The following DYRK3 variants were observed in gnomAD, a reference collection of about 807,000 sequenced individuals.
The protein encoded by DYRK3 is dual specificity tyrosine-phosphorylation-regulated kinase 3.
In DYRK3, 30 loss-of-function variants were observed where a neutral mutation model predicts 40.8. The ratio of observed to expected loss-of-function variants is 0.74; its 90% CI spans 0.55 to 1.00. The LOEUF (loss-of-function observed/expected upper bound fraction) is 1.00. DYRK3 is among the 50% of genes least tolerant of loss of function. The pLI, the probability that DYRK3 is intolerant of heterozygous loss-of-function variation, is 0.00. For missense variants in DYRK3, 699 were observed against 731.5 expected (o/e 0.96, Z 0.51); for synonymous variants, 272 against 260.7 (o/e 1.04, Z -0.42).
intron 1 of DYRK3, chr1:206,636,785 AT>A: frequency 1.4e-6 from 1 of 721,462 alleles, no homozygotes; most frequent in Non-Finnish European, 2.2e-6. Flanking sequence ...TAACTGGGAA[AT>A]CCGTGTTCTT....
Position 206,648,886 on chromosome 1 carries a change from A to G in DYRK3, c.1688A>G (p.Asn563Ser), listed in dbSNP as rs200892244. The change falls in exon 3 of 3, where the codon AAT (asparagine) becomes AGT (serine). Residue 563 changes from asparagine (N) to serine (S), a missense_variant. Coordinates refer to ENST00000367109, the MANE Select transcript of DYRK3 (RefSeq NM_003582.4). ...CTGCCTCCAGTTGTTGGAATAGCCA[A>G]TAAGCTTAAAGCTAACTTAATGTCA... Reference protein sequence around the residue: ...SKLPPVVGIANKLKANLMSET... With the variant: ...SKLPPVVGIASKLKANLMSET... 25 of 1,614,114 alleles carry G rather than the reference A, an allele frequency of 1.5e-5. No homozygotes were observed. Among genetic ancestry groups the G allele is most frequent in the Non-Finnish European group, 2.0e-5 (24 of 1,180,048 alleles).
In DYRK3 at chr1:206,647,508, G is replaced by A; in HGVS notation, c.310G>A (p.Gly104Ser). Residue 104 changes from glycine (G) to serine (S), a missense_variant, in exon 3 of 3, where the codon GGC becomes AGC. Coordinates refer to ENST00000367109, the MANE Select transcript of DYRK3 (RefSeq NM_003582.4). ...AAAATCCAATACTATTCAGTCAGAT[G>A]GCATCAGTGACTCTGAAAAATGCTC... ...NRKSNTIQSD[G>S]ISDSEKCSPT... The A allele has an allele frequency of 1.2e-6, 2 of 1,614,172 alleles. No homozygotes were observed. Among genetic ancestry groups the A allele is most frequent in the Non-Finnish European group, 1.7e-6 (2 of 1,180,036 alleles).
rs200513273 is a variant in DYRK3, at chr1:206,648,135, C to A, written c.937C>A (p.Arg313Ser). 1 of 1,614,096 alleles carries A rather than the reference C, an allele frequency of 6.2e-7. No individual in the cohort carries two copies. Among genetic ancestry groups the A allele is most frequent in the South Asian group, 1.1e-5 (1 of 91,070 alleles). Residue 313 changes from arginine to serine, a missense_variant, in exon 3 of 3, where the codon CGC becomes AGC. Arg to Ser is a moderately radical substitution (Grantham distance 110). Transcript: ENST00000367109. ...KFQGFSVQLV[R>S]KFAQSILQSL... is the part of the protein sequence containing the mutation. ...TCAGGGTTTTAGCGTCCAGTTGGTA[C>A]GCAAGTTTGCCCAGTCCATCTTGCA... is the stretch of plus-strand genomic sequence containing the variant.
rs1159317929 is a variant in DYRK3, at chr1:206,654,911, C to T, written c.*5946C>T. Reference sequence around the variant, plus strand: ...ACTAGAGTCTCACATCTTCTGCCACCACATGAATAGACTAAAAAGAAAGGA... The same window carrying T: ...ACTAGAGTCTCACATCTTCTGCCACTACATGAATAGACTAAAAAGAAAGGA... On this transcript the variant is annotated 3_prime_UTR_variant, in exon 3 of 3. Transcript: ENST00000367109. 1.3e-5 allele frequency among the ~76,000 whole-genome samples: 2 copies of T among 152,180 alleles called. No homozygotes were observed. The highest frequency in any genetic ancestry group is 2.1e-4 in the South Asian group (1 of 4,828).
chr1:206,646,267 A>G (rs544109641), intron 2 of DYRK3, among the ~76,000 whole-genome samples: 2 of 152,228 alleles, frequency 1.3e-5, no homozygotes, highest in South Asian at 2.1e-4. Flanking sequence ...CTTTTTTTGT[A>G]ATAGTAATTA....
intron 2 of DYRK3, among the ~76,000 whole-genome samples, chr1:206,642,500 T>G (rs1671319832): frequency 6.6e-6 from 1 of 152,212 alleles, no homozygotes; most frequent in African/African-American, 2.4e-5. Context: ...TGTGGCACTA[T>G]TCACAATAGC....
rs189132548 is a variant in DYRK3 at position 206,640,751 on chromosome 1, C to T, written c.189+2990C>T. ...ATTTTTAGTAGAGAGAGGGTTTCAT[C>T]GTGTTAGCCAGGATGGTCTCGATCT... On this transcript the variant is annotated intron_variant, in intron 2 of 2. Transcript: ENST00000367109. Among the ~76,000 whole-genome samples, 506 of 152,070 alleles carry T rather than the reference C, an allele frequency of 3.3e-3. 3 individuals are homozygous for T. The highest frequency in any genetic ancestry group is 0.012 in the African/African-American group (480 of 41,484).
chr1:206,642,382 G>A (rs1163245771), intron 2 of DYRK3, among the ~76,000 whole-genome samples: 1 of 151,946 alleles, frequency 6.6e-6, no homozygotes, highest in Non-Finnish European at 1.5e-5. Flanking sequence ...AATTCCTCAA[G>A]GATCTAGAAC....
Position 206,647,489 on chromosome 1 carries a change from C to A in DYRK3, c.291C>A (p.Ser97=), listed in dbSNP as rs188112330. Residue 97 remains serine, a synonymous_variant, in exon 3 of 3, where the codon TCC becomes TCA. Transcript: ENST00000367109. ...QLFQEFGNRK[S]NTIQSDGISD... is the part of the protein sequence containing the mutation. ...TTCAAGAATTTGGCAACAGAAAATC[C>A]AATACTATTCAGTCAGATGGCATCA... 1.2e-6 allele frequency: 2 copies of A among 1,613,936 alleles called. No individual in the cohort carries two copies. The highest frequency in any genetic ancestry group is 4.5e-5 in the East Asian group (2 of 44,886).
intron 2 of DYRK3, among the ~76,000 whole-genome samples, chr1:206,646,257 C>T (rs374988570): frequency 1.3e-5 from 2 of 152,102 alleles, no homozygotes; most frequent in Non-Finnish European, 2.9e-5. Context: ...CATAGTTACC[C>T]TTTTTTTGTA....
intron 2 of DYRK3, among the ~76,000 whole-genome samples, chr1:206,642,470 A>G (rs956459742): frequency 5.9e-5 from 9 of 152,254 alleles, no homozygotes; most frequent in African/African-American, 2.2e-4. Flanking sequence ...CTATAAAGAC[A>G]CATGCACATG....
chr1:206,637,117 G>T (rs1671138979), intron 1 of DYRK3: 1 of 612,886 alleles, frequency 1.6e-6, no homozygotes, highest in Admixed American at 2.7e-5. Context: ...TTTATTTCTT[G>T]CCTGTAAGAC....
intron 2 of DYRK3, 54 bp from the exon 3 acceptor site, chr1:206,647,334 T>G: frequency 6.7e-7 from 1 of 1,492,366 alleles, no homozygotes; most frequent in South Asian, 1.4e-5. Context: ...GGAGGGAGGA[T>G]TCTTCCATCT....
rs1553420650 is a variant in DYRK3, at chr1:206,648,277, G to A, written c.1079G>A (p.Cys360Tyr). Reference protein sequence around the residue: ...STKVIDFGSSCFEYQKLYTYI... With the variant: ...STKVIDFGSSYFEYQKLYTYI... ...AAGGTCATTGACTTTGGGTCCAGCT[G>A]TTTCGAGTACCAGAAGCTCTACACA... Residue 360 changes from cysteine (C) to tyrosine (Y), a missense_variant, in exon 3 of 3, where the codon TGT becomes TAT. Physicochemically the swap from Cys to Tyr is radical, Grantham distance 194. Transcript: ENST00000367109. The A allele has an allele frequency of 1.9e-6, 3 of 1,613,726 alleles. No individual in the cohort carries two copies. The highest frequency in any genetic ancestry group is 1.3e-5 in the African/African-American group (1 of 74,854).
rs183547928 is a variant in DYRK3, at chr1:206,653,704, A to C, written c.*4739A>C. 1.9e-3 allele frequency among the ~76,000 whole-genome samples: 288 copies of C among 152,346 alleles called. 1 individual carries two copies. In the Middle Eastern group the frequency reaches 0.027, roughly 14 times the overall value. ...ACAGTTACCTTGATAATAATGAAAA[A>C]AAAATGAATACCACCAAAACCTAAC... On this transcript the variant is annotated 3_prime_UTR_variant, in exon 3 of 3. Transcript: ENST00000367109.
At chr1:206,647,226 C>T (rs1671480467) in intron 2 of DYRK3, among the ~76,000 whole-genome samples, 162 bp from the exon 3 acceptor site, 1 of 152,128 alleles carries the variant, frequency 6.6e-6, no homozygotes, top group African/African-American at 2.4e-5. Flanking sequence ...TAATATAACA[C>T]AAGTTGCTAG....
chr1:206,653,353 C>T lies in DYRK3; in HGVS notation c.*4388C>T, dbSNP rs117370340. ...TTTCAATATGGAAAATTGGCTAATCCACCTAATACCTGCTCATCTTCTAGT... is the reference window on the plus strand; with the variant it reads ...TTTCAATATGGAAAATTGGCTAATCTACCTAATACCTGCTCATCTTCTAGT... On this transcript the variant is annotated 3_prime_UTR_variant, in exon 3 of 3. Transcript: ENST00000367109. 7.2e-5 allele frequency among the ~76,000 whole-genome samples: 11 copies of T among 152,232 alleles called. No homozygotes were observed. The East Asian group carries it at 1.5e-3, about 21-fold the overall frequency.
Position 206,652,660 on chromosome 1 carries a change from G to A in DYRK3, c.*3695G>A, listed in dbSNP as rs375572445. On this transcript the variant is annotated 3_prime_UTR_variant, in exon 3 of 3. Coordinates refer to ENST00000367109, the MANE Select transcript of DYRK3 (RefSeq NM_003582.4). ...TGGGCTGCTTAAAAACATGGTGCTC[G>A]TCCACATGGATTTGAGGAAGTTTAT... Among the ~76,000 whole-genome samples, 3 of 152,156 alleles carry A rather than the reference G, an allele frequency of 2.0e-5. No individual in the cohort carries two copies. Among genetic ancestry groups the A allele is most frequent in the Non-Finnish European group, 2.9e-5 (2 of 68,014 alleles).
chr1:206,641,281 C>G (rs1226114195), intron 2 of DYRK3, among the ~76,000 whole-genome samples: 1 of 152,078 alleles, frequency 6.6e-6, no homozygotes, highest in Non-Finnish European at 1.5e-5. Flanking sequence ...TTCTTAAGCC[C>G]TTTCATCGTC....
Sources: allele counts gnomAD v4.1 joint callset (sites outside exome capture counted in the v4.1 genomes callset), GRCh38; gene constraint gnomAD v4.1.1; transcripts MANE v1.5; gene names NCBI Gene and HGNC (gene_info 2026-07-23, HGNC 2026-07-21).